Variants in CDH18 observed in about 807,000 individuals in gnomAD.
CDH18 encodes the protein cadherin 18.
In CDH18, 31 loss-of-function variants were observed where a neutral mutation model predicts 67.9. That is an observed-to-expected ratio of 0.46 (90% confidence interval 0.34 to 0.62). The LOEUF is 0.62. Ranked by LOEUF, CDH18 falls within the 20% of genes least tolerant of loss-of-function variation. CDH18 has a pLI of 0.01. For synonymous variants in CDH18, 362 were observed against 347.2 expected, an observed-to-expected ratio of 1.04 and a Z score of -0.48; for missense variants, 890 against 975.5, an observed-to-expected ratio of 0.91 and a Z score of 1.17.
chr5:19,811,164 G>A lies in CDH18; in HGVS notation c.228+27595C>T, dbSNP rs536183281. The stretch of plus-strand genomic sequence containing the variant: ...AAAGAAAGAAAGAAAGAAAGAAGGA[G>A]AGAAAGAAAGAGAAGAAAGAGGGAG... On this transcript the variant is annotated intron_variant, in intron 3 of 12. Coordinates refer to ENST00000382275, the MANE Select transcript of CDH18 (RefSeq NM_004934.5). Among the ~76,000 whole-genome samples, 176 of 112,420 alleles carry A rather than the reference G, an allele frequency of 1.6e-3. 3 individuals are homozygous for A. The highest frequency in any genetic ancestry group is 3.0e-3 in the South Asian group (10 of 3,312). The allele number at this position is 112,420 out of a possible 152,430, so 73.8% of individuals were successfully genotyped here. A position where few individuals can be genotyped will look rare whatever the true frequency, so the allele number is the denominator to read the frequency against.
At chr5:19,566,785 A>G (rs569618520) in intron 8 of CDH18, among the ~76,000 whole-genome samples, 13 of 152,318 alleles carry the variant, frequency 8.5e-5, no homozygotes, top group African/African-American at 3.1e-4. Context: ...TCTGCACTCC[A>G]TATTCACTGC....
rs1014985026 is a variant in CDH18, at chr5:19,722,613, A to G, written c.524-1147T>C. 5.2e-4 allele frequency among the ~76,000 whole-genome samples: 79 copies of G among 151,726 alleles called. 5 individuals are homozygous for G. Among genetic ancestry groups the G allele is most frequent in the Non-Finnish European group, 1.5e-5 (1 of 68,000 alleles). On this transcript the variant is annotated intron_variant, in intron 4 of 12. Coordinates refer to ENST00000382275, the MANE Select transcript of CDH18 (RefSeq NM_004934.5). ...GAAAACTTAATCTAAGTATAACATG[A>G]CAACCATATATTAAGGGATATACAG...
chr5:19,517,315 A>G (rs1425297396), intron 10 of CDH18, among the ~76,000 whole-genome samples: 1 of 152,080 alleles, frequency 6.6e-6, no homozygotes, highest in African/African-American at 2.4e-5. Flanking sequence ...CCATTTTCAA[A>G]TTGGATTTTA....
intron 1 of CDH18, among the ~76,000 whole-genome samples, chr5:20,535,735 T>G (rs1484457360): frequency 6.6e-6 from 1 of 152,160 alleles, no homozygotes; most frequent in Non-Finnish European, 1.5e-5. Flanking sequence ...ATGATTCTTT[T>G]TCCACCTTTC....
intron 3 of CDH18, among the ~76,000 whole-genome samples, chr5:19,781,297 T>A (rs1199501453): frequency 2.6e-5 from 4 of 152,008 alleles, no homozygotes; most frequent in Non-Finnish European, 5.9e-5. Context: ...ATTTTCTCAA[T>A]TCCTGTATGA....
intron 2 of CDH18, among the ~76,000 whole-genome samples, chr5:20,021,734 G>C: frequency 6.6e-6 from 1 of 152,144 alleles, no homozygotes; most frequent in South Asian, 2.1e-4. Flanking sequence ...GTGAAACTGT[G>C]AGTCAATTAA....
chr5:19,746,972 T>C lies in CDH18; in HGVS notation c.493A>G (p.Ile165Val), dbSNP rs1193644448. Residue 165 changes from isoleucine to valine, a missense_variant, in exon 4 of 13, where the codon ATT (isoleucine) becomes GTT (valine). This residue lies in a region of CDH18 where 234 missense variants were observed against 307.4 expected (regional missense o/e 0.76). Coordinates refer to ENST00000382275, the MANE Select transcript of CDH18 (RefSeq NM_004934.5). ...TCTGACATTTCAGGCACAGTAACAA[T>C]GTATGGTCCATCTGTGAATTTTGGA... Reference protein sequence around the residue: ...NAPKFTDGPYIVTVPEMSDMG... With the variant: ...NAPKFTDGPYVVTVPEMSDMG... 6.8e-6 allele frequency: 11 copies of C among 1,613,992 alleles called. No individual in the cohort carries two copies. Among genetic ancestry groups the C allele is most frequent in the Non-Finnish European group, 8.5e-6 (10 of 1,180,004 alleles).
chr5:19,609,824 T>C (rs1206518170), intron 6 of CDH18, among the ~76,000 whole-genome samples: 1 of 151,980 alleles, frequency 6.6e-6, no homozygotes, highest in Non-Finnish European at 1.5e-5. Context: ...CTGGATCCAT[T>C]TGATGACAGG....
Position 20,414,988 on chromosome 5 carries a change from T to C in CDH18, c.-579-159483A>G, listed in dbSNP as rs1007385909. Among the ~76,000 whole-genome samples the C allele has an allele frequency of 2.0e-5, 3 of 152,292 alleles. No individual in the cohort carries two copies. The East Asian group carries it at 5.8e-4, about 29-fold the overall frequency. On this transcript the variant is annotated intron_variant, in intron 1 of 14. Coordinates refer to the CDH18 transcript ENST00000507958. ...TAACCCAGAATCACACTTCTGAGTA[T>C]TTACCAAAAAAAATTGAGATTGGTA...
chr5:20,025,704 T>C (rs1738834959), intron 2 of CDH18, among the ~76,000 whole-genome samples: 1 of 152,242 alleles, frequency 6.6e-6, no homozygotes, highest in African/African-American at 2.4e-5. Flanking sequence ...TTTTAAATAC[T>C]ATAATTTTCT....
At chr5:20,404,251 A>AT (rs923627060) in intron 1 of CDH18, among the ~76,000 whole-genome samples, 1 of 152,072 alleles carries the variant, frequency 6.6e-6, no homozygotes, top group African/African-American at 2.4e-5. Context: ...CAATACAGCT[A>AT]TTTTGCTTTC....
At chr5:19,841,404 T>C (rs549485968) in intron 2 of CDH18, among the ~76,000 whole-genome samples, 1 of 152,202 alleles carries the variant, frequency 6.6e-6, no homozygotes, top group South Asian at 2.1e-4. Flanking sequence ...TATTAATTTA[T>C]GTGAACCATC....
chr5:19,511,143 C>T (rs1745051938), intron 10 of CDH18, among the ~76,000 whole-genome samples: 1 of 152,138 alleles, frequency 6.6e-6, no homozygotes, highest in Non-Finnish European at 1.5e-5. Context: ...GCTCATCCCC[C>T]ATCTCTCAGC....
At chr5:19,971,514 C>T (rs760583654) in intron 2 of CDH18, among the ~76,000 whole-genome samples, 3 of 151,894 alleles carry the variant, frequency 2.0e-5, no homozygotes, top group South Asian at 2.1e-4. Flanking sequence ...AGATCATTTG[C>T]GAAACTTGGT....
intron 2 of CDH18, among the ~76,000 whole-genome samples, chr5:20,246,592 T>C (rs1270193743): frequency 1.2e-5 from 1 of 84,030 alleles, no homozygotes; most frequent in African/African-American, 6.9e-5. Flanking sequence ...GCAAGCAAGA[T>C]GATAATGTAT....
chr5:19,819,076 T>TA (rs1188650609), intron 3 of CDH18, among the ~76,000 whole-genome samples: 1 of 151,922 alleles, frequency 6.6e-6, no homozygotes, highest in African/African-American at 2.4e-5. Flanking sequence ...TATATATACA[T>TA]ATATGTGTTT....
intron 2 of CDH18, among the ~76,000 whole-genome samples, chr5:20,161,456 A>C (rs1232197170): frequency 6.6e-6 from 1 of 152,208 alleles, no homozygotes; most frequent in African/African-American, 2.4e-5. Flanking sequence ...AAGCCAGGAA[A>C]AATTGCCAAG....
intron 5 of CDH18, among the ~76,000 whole-genome samples, chr5:19,617,092 C>T (rs1235443962): frequency 1.3e-5 from 2 of 152,052 alleles, no homozygotes; most frequent in Non-Finnish European, 2.9e-5. Context: ...GATTTGTGTG[C>T]AAGTGGTTCA....
intron 2 of CDH18, among the ~76,000 whole-genome samples, chr5:20,219,891 A>G (rs1741087309): frequency 6.6e-6 from 1 of 151,962 alleles, no homozygotes; most frequent in East Asian, 1.9e-4. Flanking sequence ...AGATAATAAA[A>G]TAAAATGTCT....
Sources: gnomAD v4.1 joint callset for allele counts (sites outside exome capture counted in the v4.1 genomes callset) on GRCh38, gnomAD v4.1.1 for gene constraint, gnomAD v4.1.1 regional missense constraint, MANE v1.5 for transcripts, NCBI Gene and HGNC (gene_info 2026-07-23, HGNC 2026-07-21) for gene names.